CSMD1: variants seen among roughly 807,000 people sequenced by gnomAD.
CSMD1 encodes CUB and Sushi multiple domains 1.
CSMD1 carries 213 observed loss-of-function variants against 417.5 expected under a neutral mutation model. The observed-to-expected ratio is 0.51, with a 90% confidence interval of 0.46 to 0.57. The LOEUF (loss-of-function observed/expected upper bound fraction) is 0.57. Among genes scored for constraint, CSMD1 ranks in the 20% least tolerant of loss-of-function variants. CSMD1 has a pLI of 0.00. For missense variants in CSMD1, 6,923 were observed against 4,529.7 expected (o/e 1.53, Z -15.17); for synonymous variants, 2,862 against 1,736.8 (o/e 1.65, Z -16.11).
intron 8 of CSMD1, among the ~76,000 whole-genome samples, chr8:3,609,685 G>C (rs144312939): frequency 1.5e-4 from 23 of 149,410 alleles, no homozygotes; most frequent in African/African-American, 4.4e-4. Flanking sequence ...TCTTGGCCTT[G>C]TTGGTTGTTA....
At chr8:3,447,340 C>CT (rs35753975) in intron 12 of CSMD1, among the ~76,000 whole-genome samples, 46,918 of 151,536 alleles carry the variant, frequency 0.31, 9,017 homozygotes, top group East Asian at 0.57. Context: ...AGATCAGTAA[C>CT]TGAGTCTCAG....
intron 1 of CSMD1, among the ~76,000 whole-genome samples, chr8:4,883,410 G>A (rs955453166): frequency 6.6e-6 from 1 of 152,012 alleles, no homozygotes; most frequent in Middle Eastern, 3.4e-3. Flanking sequence ...TGAAATGCAA[G>A]ATCATCACCA....
At chr8:4,452,598 G>C (rs372517768) in intron 2 of CSMD1, among the ~76,000 whole-genome samples, 7 of 152,136 alleles carry the variant, frequency 4.6e-5, no homozygotes, top group African/African-American at 1.4e-4. Context: ...AACCGGTAAC[G>C]AAAAAGATAA....
intron 3 of CSMD1, among the ~76,000 whole-genome samples, chr8:4,253,330 C>T (rs1016327680): frequency 6.6e-6 from 1 of 152,138 alleles, no homozygotes; most frequent in South Asian, 2.1e-4. Context: ...TTTTCCCCTA[C>T]TATAGAACTT....
At chr8:3,306,934 T>G (rs546176656) in intron 25 of CSMD1, among the ~76,000 whole-genome samples, 1 of 152,082 alleles carries the variant, frequency 6.6e-6, no homozygotes, top group Non-Finnish European at 1.5e-5. Context: ...ACACTTTTTG[T>G]TTAAATGTTC....
At chr8:3,750,982 T>C (rs890219927) in intron 6 of CSMD1, among the ~76,000 whole-genome samples, 1 of 152,158 alleles carries the variant, frequency 6.6e-6, no homozygotes, top group African/African-American at 2.4e-5. Flanking sequence ...ATGGGTCTTG[T>C]CATCTTCCTC....
rs1010042714 is a variant in CSMD1, at chr8:3,350,204, G to C, written c.3305-2043C>G. Among the ~76,000 whole-genome samples the C allele has an allele frequency of 2.4e-5, 3 of 125,956 alleles. 1 individual carries two copies. The highest frequency in any genetic ancestry group is 1.7e-4 in the Admixed American group (2 of 11,618). The allele number at this position is 125,956 out of a possible 152,430, so 82.6% of individuals were successfully genotyped here. ...TAACCTATAACTTGTGTATGTGTGTGTTATAATACCTATAATAACCTATAA... is the reference window on the plus strand; with the variant it reads ...TAACCTATAACTTGTGTATGTGTGTCTTATAATACCTATAATAACCTATAA... On this transcript the variant is annotated intron_variant, in intron 21 of 69. Transcript: ENST00000635120.
intron 25 of CSMD1, among the ~76,000 whole-genome samples, chr8:3,302,909 T>C (rs1358762982): frequency 6.6e-6 from 1 of 152,166 alleles, no homozygotes; most frequent in Non-Finnish European, 1.5e-5. Context: ...GCAGGTTTCT[T>C]TCCTCTGACT....
intron 42 of CSMD1, among the ~76,000 whole-genome samples, chr8:3,112,772 G>A (rs1816597720): frequency 6.6e-6 from 1 of 152,132 alleles, no homozygotes; most frequent in Non-Finnish European, 1.5e-5. Flanking sequence ...CAAGTGCTGT[G>A]AAGGAAAATA....
chr8:4,884,135 T>C (rs987980603), intron 1 of CSMD1, among the ~76,000 whole-genome samples: 6 of 152,104 alleles, frequency 3.9e-5, no homozygotes, highest in African/African-American at 1.4e-4. Context: ...CTGGGATCAA[T>C]GTCTATTCAC....
chr8:4,131,737 A>C (rs890929865), intron 3 of CSMD1, among the ~76,000 whole-genome samples: 4 of 148,338 alleles, frequency 2.7e-5, no homozygotes, highest in African/African-American at 7.4e-5. Context: ...ATCAAGATTA[A>C]ATTAGTATAC....
chr8:3,584,285 G>C (rs1800506884), intron 9 of CSMD1, among the ~76,000 whole-genome samples: 1 of 152,174 alleles, frequency 6.6e-6, no homozygotes. Context: ...AAGAGGCAGA[G>C]TCTTGGCGAT....
intron 1 of CSMD1, among the ~76,000 whole-genome samples, chr8:4,675,261 T>C (rs1261523594): frequency 6.6e-6 from 1 of 152,228 alleles, no homozygotes; most frequent in Admixed American, 6.5e-5. Context: ...CTTAAAACTT[T>C]CACTTCTTAT....
intron 14 of CSMD1, among the ~76,000 whole-genome samples, chr8:3,406,706 C>A (rs1292992945): frequency 6.6e-6 from 1 of 152,092 alleles, no homozygotes; most frequent in African/African-American, 2.4e-5. Context: ...AATTATTGTC[C>A]AATTCTAAGT....
intron 5 of CSMD1, among the ~76,000 whole-genome samples, chr8:3,784,201 G>T (rs1325439122): frequency 6.6e-6 from 1 of 152,082 alleles, no homozygotes; most frequent in Admixed American, 6.6e-5. Flanking sequence ...AAAGGGGTGG[G>T]TACCCAATAA....
intron 1 of CSMD1, among the ~76,000 whole-genome samples, chr8:4,783,585 G>C (rs11775421): frequency 0.088 from 13,430 of 152,254 alleles, 703 homozygotes; most frequent in East Asian, 0.26. Context: ...TTGTTCAAAT[G>C]TGTGGGTTAG....
intron 6 of CSMD1, among the ~76,000 whole-genome samples, chr8:3,742,407 G>A (rs1403629078): frequency 1.3e-5 from 2 of 152,140 alleles, no homozygotes; most frequent in Non-Finnish European, 1.5e-5. Context: ...GTAAACTCCT[G>A]CAGAAAGAGT....
intron 10 of CSMD1, among the ~76,000 whole-genome samples, chr8:3,559,792 A>G (rs1349967230): frequency 4.6e-5 from 7 of 152,166 alleles, no homozygotes; most frequent in Non-Finnish European, 1.0e-4. Context: ...GAAAATGGAG[A>G]GTGAGGAGAG....
intron 1 of CSMD1, among the ~76,000 whole-genome samples, chr8:4,668,790 A>C (rs1805112826): frequency 6.6e-6 from 1 of 152,018 alleles, no homozygotes; most frequent in Non-Finnish European, 1.5e-5. Context: ...TTAATCCCTC[A>C]ATGAAGTGCT....
Sources: allele counts gnomAD v4.1 joint callset (sites outside exome capture counted in the v4.1 genomes callset), GRCh38; gene constraint gnomAD v4.1.1; transcripts MANE v1.5; gene names NCBI Gene and HGNC (gene_info 2026-07-23, HGNC 2026-07-21).